ENTHD1: variants seen among roughly 807,000 people sequenced by gnomAD.
ENTHD1 encodes ENTH domain containing 1.
Under a neutral mutation model 39.1 loss-of-function variants are expected in ENTHD1, and 23 were observed. The ratio of observed to expected loss-of-function variants is 0.59; its 90% confidence interval spans 0.42 to 0.83. The LOEUF (loss-of-function observed/expected upper bound fraction) is 0.83, where lower values mean the gene tolerates loss of function less well. Among genes scored for constraint, ENTHD1 ranks in the 40% least tolerant of loss-of-function variants. The probability of loss-of-function intolerance (pLI) is 0.00; values close to 1 mark genes in which losing one functional copy is unlikely to be tolerated. For synonymous variants in ENTHD1, 230 were observed against 258.2 expected, an observed-to-expected ratio of 0.89 and a Z score of 1.05; for missense variants, 624 against 705.4, an observed-to-expected ratio of 0.88 and a Z score of 1.31.
At chr22:39,758,583 C>T (rs113399060) in intron 6 of ENTHD1, among the ~76,000 whole-genome samples, 2 of 152,054 alleles carry the variant, frequency 1.3e-5, no homozygotes, top group African/African-American at 2.4e-5. Context: ...TGCCACCATG[C>T]CTGGCTAATG....
intron 5 of ENTHD1, among the ~76,000 whole-genome samples, chr22:39,783,563 A>G (rs2146589301): frequency 6.6e-6 from 1 of 152,310 alleles, no homozygotes; most frequent in South Asian, 2.1e-4. Flanking sequence ...AGACCAATGG[A>G]ACAGAATAGA....
rs546690722 is a variant in ENTHD1 at position 39,743,984 on chromosome 22, G to A, written c.1519C>T (p.His507Tyr). The A allele has an allele frequency of 7.1e-5, 114 of 1,613,978 alleles. No homozygotes were observed. The highest frequency in any genetic ancestry group is 1.6e-4 in the Middle Eastern group (1 of 6,082). The change falls in exon 7 of 7, where the codon CAC becomes TAC. Residue 507 changes from histidine to tyrosine, a missense_variant. Physicochemically the swap from His to Tyr is moderately conservative, Grantham distance 83. Transcript: ENST00000325157. ...NSDSAKKNISHISSSHWGEFS... is the reference protein window; with the variant it reads ...NSDSAKKNISYISSSHWGEFS... ...TCCCCCCAGTGACTACTAGAAATGTGACTTATATTCTTTTTAGCAGAATCA... is the reference window on the plus strand; with the variant it reads ...TCCCCCCAGTGACTACTAGAAATGTAACTTATATTCTTTTTAGCAGAATCA...
intron 4 of ENTHD1, among the ~76,000 whole-genome samples, chr22:39,829,790 CAATAAATAAATAAATA>C (rs10657076): frequency 4.0e-4 from 58 of 143,332 alleles, no homozygotes; most frequent in African/African-American, 1.4e-3. Flanking sequence ...GACTCTGTCT[CAATAAATAAATAAATA>C]AATAAATAAA....
At chr22:39,747,239 T>C (rs1373615881) in intron 6 of ENTHD1, among the ~76,000 whole-genome samples, 2 of 152,182 alleles carry the variant, frequency 1.3e-5, no homozygotes, top group Non-Finnish European at 2.9e-5. Flanking sequence ...TCCTCACTCC[T>C]CAGCCTCCCG....
chr22:39,775,746 C>T (rs2065360678), intron 5 of ENTHD1, among the ~76,000 whole-genome samples: 1 of 152,170 alleles, frequency 6.6e-6, no homozygotes, highest in Non-Finnish European at 1.5e-5. Flanking sequence ...CACAGCTGGC[C>T]TCTGTATCTG....
chr22:39,745,874 A>G (rs2065100601), intron 6 of ENTHD1, among the ~76,000 whole-genome samples: 1 of 152,146 alleles, frequency 6.6e-6, no homozygotes, highest in African/African-American at 2.4e-5. Flanking sequence ...TGTTTCTAGT[A>G]TTGCTGTGCA....
At chr22:39,793,456 G>A (rs1601597949) in intron 5 of ENTHD1, among the ~76,000 whole-genome samples, 1 of 150,742 alleles carries the variant, frequency 6.6e-6, no homozygotes, top group African/African-American at 2.4e-5. Context: ...TCTTCACCTT[G>A]TTCATTGTTT....
chr22:39,803,259 T>C (rs1287864038), intron 5 of ENTHD1, among the ~76,000 whole-genome samples: 1 of 151,872 alleles, frequency 6.6e-6, no homozygotes, highest in Non-Finnish European at 1.5e-5. Flanking sequence ...AACTAACCTT[T>C]TCTCCATAAC....
chr22:39,802,473 G>A (rs1271255891), intron 5 of ENTHD1, among the ~76,000 whole-genome samples: 1 of 152,184 alleles, frequency 6.6e-6, no homozygotes, highest in Non-Finnish European at 1.5e-5. Context: ...CCCCAGTACA[G>A]GGCAGGACCC....
chr22:39,782,909 A>G (rs1023439127), intron 5 of ENTHD1, among the ~76,000 whole-genome samples: 1 of 152,226 alleles, frequency 6.6e-6, no homozygotes, highest in Non-Finnish European at 1.5e-5. Context: ...TATTCAATAT[A>G]GTATTGGAAG....
At chr22:39,883,003 CAAAAAA>C (rs58964198) in intron 2 of ENTHD1, among the ~76,000 whole-genome samples, 2 of 48,288 alleles carry the variant, frequency 4.1e-5, no homozygotes, top group Non-Finnish European at 8.7e-5. Flanking sequence ...GACTTCATCT[CAAAAAA>C]AAAAAAAAAA....
chr22:39,856,929 A>G (rs1438614424), intron 3 of ENTHD1, among the ~76,000 whole-genome samples: 1 of 152,078 alleles, frequency 6.6e-6, no homozygotes, highest in Non-Finnish European at 1.5e-5. Flanking sequence ...CCTCCAATAG[A>G]GCAGAAATAC....
At chr22:39,886,663 A>G (rs953879271) in intron 2 of ENTHD1, among the ~76,000 whole-genome samples, 1 of 152,228 alleles carries the variant, frequency 6.6e-6, no homozygotes, top group African/African-American at 2.4e-5. Flanking sequence ...AACACAAATT[A>G]TAATTCTACA....
intron 3 of ENTHD1, among the ~76,000 whole-genome samples, chr22:39,855,610 A>G (rs2066078730): frequency 6.6e-6 from 1 of 151,784 alleles, no homozygotes; most frequent in Non-Finnish European, 1.5e-5. Context: ...AAAAGAAGAA[A>G]GAAAAAAAAG....
At chr22:39,826,237 G>C (rs1434293126) in intron 4 of ENTHD1, among the ~76,000 whole-genome samples, 1 of 152,072 alleles carries the variant, frequency 6.6e-6, no homozygotes, top group African/African-American at 2.4e-5. Context: ...AATTGTAGTG[G>C]TTATCTCTTG....
intron 2 of ENTHD1, chr22:39,875,618 A>G: frequency 6.2e-7 from 1 of 1,611,870 alleles, no homozygotes; most frequent in Non-Finnish European, 8.5e-7. Flanking sequence ...CACCGAGGCT[A>G]GGAAAGGTTT....
At chr22:39,797,724 A>T (rs536474977) in intron 5 of ENTHD1, among the ~76,000 whole-genome samples, 2 of 152,070 alleles carry the variant, frequency 1.3e-5, no homozygotes, top group Non-Finnish European at 2.9e-5. Flanking sequence ...TCTTGGCTGG[A>T]AAGTTTTTTT....
intron 5 of ENTHD1, among the ~76,000 whole-genome samples, chr22:39,805,629 C>T (rs11703076): frequency 0.098 from 14,887 of 152,140 alleles, 860 homozygotes; most frequent in Middle Eastern, 0.13. Flanking sequence ...CCAGATATTT[C>T]CCCCATCCCC....
chr22:39,860,407 T>C (rs1445693874), intron 3 of ENTHD1, among the ~76,000 whole-genome samples: 1 of 152,194 alleles, frequency 6.6e-6, no homozygotes, highest in Non-Finnish European at 1.5e-5. Flanking sequence ...AATTTCAGAA[T>C]GAGTGGCTGT....
Sources: allele counts gnomAD v4.1 joint callset (sites outside exome capture counted in the v4.1 genomes callset), GRCh38; gene constraint gnomAD v4.1.1; transcripts MANE v1.5; gene names NCBI Gene and HGNC (gene_info 2026-07-23, HGNC 2026-07-21).